C2orf80: variants seen among roughly 807,000 people sequenced by gnomAD.
The protein encoded by C2orf80 is chromosome 2 open reading frame 80.
In C2orf80, 28 loss-of-function variants were observed where a neutral mutation model predicts 30.2. That is an observed-to-expected ratio of 0.93 (90% CI 0.69 to 1.27). The LOEUF (loss-of-function observed/expected upper bound fraction) is 1.27. C2orf80 is among the 50% of genes most tolerant of loss of function. The pLI, the probability that C2orf80 is intolerant of heterozygous loss-of-function variation, is 0.00. For missense variants in C2orf80, 220 were observed against 231.0 expected (o/e 0.95, Z 0.31); for synonymous variants, 80 against 76.4 (o/e 1.05, Z -0.24).
chr2:208,178,385 G>A (rs10186905), intron 6 of C2orf80, among the ~76,000 whole-genome samples: 72,938 of 151,826 alleles, frequency 0.48, 19,024 homozygotes, highest in East Asian at 0.74. Context: ...TCAGGCTTGT[G>A]TGTATATGTG....
At chr2:208,176,603 T>C (rs1271814673) in intron 6 of C2orf80, among the ~76,000 whole-genome samples, 1 of 152,120 alleles carries the variant, frequency 6.6e-6, no homozygotes, top group Non-Finnish European at 1.5e-5. Flanking sequence ...GAACTTTAAT[T>C]AAAGCTATTA....
Position 208,181,206 on chromosome 2 carries a change from TC to T in C2orf80, c.294+11del, listed in dbSNP as rs777274024. 4.5e-6 allele frequency: 7 copies of T among 1,541,304 alleles called. No individual in the cohort carries two copies. The highest frequency in any genetic ancestry group is 3.3e-5 in the Admixed American group (2 of 59,856). On this transcript the variant is annotated intron_variant, in intron 5 of 8. Coordinates refer to ENST00000341287, the MANE Select transcript of C2orf80 (RefSeq NM_001099334.3). ...AAATATTCATATAGGCAGATAGTAT[TC>T]TTTTCCTTACCATTAAGATTCCAGC... is the stretch of plus-strand genomic sequence containing the variant.
chr2:208,168,347 TAA>T (rs1318056020), intron 8 of C2orf80: 1 of 330,006 alleles, frequency 3.0e-6, no homozygotes, highest in Non-Finnish European at 5.8e-6. Flanking sequence ...TGTACACTAT[TAA>T]AATTTTTAAA....
intron 6 of C2orf80, 139 bp downstream of exon 6, chr2:208,180,606 G>A: frequency 1.6e-6 from 1 of 639,874 alleles, no homozygotes; most frequent in Non-Finnish European, 2.7e-6. Flanking sequence ...AGTAAGAAAT[G>A]GTTATGTCTG....
chr2:208,188,033 C>T (rs1696768587), intron 1 of C2orf80, among the ~76,000 whole-genome samples: 1 of 151,112 alleles, frequency 6.6e-6, no homozygotes, highest in Non-Finnish European at 1.5e-5. Context: ...TCATGTGAGC[C>T]AATTCTGTAA....
chr2:208,171,809 A>T (rs1235434115), intron 7 of C2orf80, among the ~76,000 whole-genome samples, 179 bp downstream of exon 7: 1 of 152,148 alleles, frequency 6.6e-6, no homozygotes, highest in Admixed American at 6.5e-5. Context: ...GAGAAACAAG[A>T]CTTCCTTGAT....
chr2:208,188,677 C>T (rs1696790670), intron 1 of C2orf80, among the ~76,000 whole-genome samples: 1 of 152,096 alleles, frequency 6.6e-6, no homozygotes, highest in South Asian at 2.1e-4. Context: ...TCTCCATCTC[C>T]TGACCTTGTA....
intron 1 of C2orf80, among the ~76,000 whole-genome samples, chr2:208,188,704 C>T (rs1336136324): frequency 6.6e-6 from 1 of 152,196 alleles, no homozygotes; most frequent in Non-Finnish European, 1.5e-5. Context: ...CTGCCTCAGC[C>T]TCCCAAAGTG....
rs1264117905 is a variant in C2orf80 at position 208,170,977 on chromosome 2, G to C, written c.541C>G (p.Gln181Glu). 1 of 1,613,950 alleles carries C rather than the reference G, an allele frequency of 6.2e-7. No individual in the cohort carries two copies. Among genetic ancestry groups the C allele is most frequent in the East Asian group, 2.2e-5 (1 of 44,894 alleles). The change falls in exon 8 of 9, where the codon CAA becomes GAA. Residue 181 changes from glutamine to glutamate, a missense_variant. Transcript: ENST00000341287. ...TTTGGCTGTGTGTCTGAAAACCTTT[G>C]TGATGATTTCCATTCTGTGGCATTT... is the stretch of plus-strand genomic sequence containing the variant. The part of the protein sequence containing the change: ...EANATEWKSS[Q>E]RFSDTQPKHK...
chr2:208,165,811 G>A lies in C2orf80; in HGVS notation c.578C>T (p.Thr193Ile). ...FSDTQPKHKV[T>I] is the part of the protein sequence containing the mutation. ...CCATGGTACAATTCCAATTTTCTAA[G>A]TGACCTGCAGAATAAAAGATGATTT... is the stretch of plus-strand genomic sequence containing the variant. Residue 193 changes from threonine to isoleucine, a missense_variant, in exon 9 of 9, where the codon ACT becomes ATT. By Grantham distance (89) the Thr-to-Ile change is moderately conservative. Coordinates refer to ENST00000341287, the MANE Select transcript of C2orf80 (RefSeq NM_001099334.3). 1 of 1,609,552 alleles carries A rather than the reference G, an allele frequency of 6.2e-7. No homozygotes were observed. Among genetic ancestry groups the A allele is most frequent in the Non-Finnish European group, 8.5e-7 (1 of 1,177,830 alleles).
chr2:208,180,946 A>G, intron 5 of C2orf80, 130 bp from the exon 6 acceptor site: 1 of 732,662 alleles, frequency 1.4e-6, no homozygotes, highest in Non-Finnish European at 2.2e-6. Flanking sequence ...AATACAGTAA[A>G]TAACTTCTGA....
intron 6 of C2orf80, among the ~76,000 whole-genome samples, chr2:208,177,275 C>G (rs931387016): frequency 1.3e-5 from 2 of 151,414 alleles, no homozygotes; most frequent in African/African-American, 4.8e-5. Context: ...GACGTGGTGG[C>G]TCACGCCTGT....
chr2:208,183,412 T>A (rs12995271), intron 3 of C2orf80, among the ~76,000 whole-genome samples: 2 of 151,866 alleles, frequency 1.3e-5, no homozygotes, highest in Non-Finnish European at 2.9e-5. Context: ...CACGGAATAT[T>A]CTTAGGTGAG....
Position 208,180,385 on chromosome 2 carries a change from A to G in C2orf80, c.366+360T>C, listed in dbSNP as rs1696515037. Among the ~76,000 whole-genome samples the G allele has an allele frequency of 1.3e-5, 2 of 151,590 alleles. 1 individual carries two copies. Among genetic ancestry groups the G allele is most frequent in the South Asian group, 4.2e-4 (2 of 4,778 alleles). On this transcript the variant is annotated intron_variant, in intron 6 of 8. Transcript: ENST00000341287. ...AGAATTCCTTGAACCCAGGAGGCAG[A>G]AGTGCAGTGAGCCGAGATCGCACCA...
intron 1 of C2orf80, chr2:208,189,725 A>G (rs530216207): frequency 1.8e-6 from 1 of 544,104 alleles, no homozygotes; most frequent in East Asian, 3.2e-5. Context: ...GAAAGCACAC[A>G]CAAAAGAGGT....
At chr2:208,166,470 A>G (rs1048603414) in intron 8 of C2orf80, among the ~76,000 whole-genome samples, 93 of 152,264 alleles carry the variant, frequency 6.1e-4, no homozygotes, top group Non-Finnish European at 5.9e-5. Flanking sequence ...AAAGCAAATC[A>G]GTTTTTGGCC....
intron 8 of C2orf80, among the ~76,000 whole-genome samples, chr2:208,170,482 G>T (rs1696061495): frequency 6.6e-6 from 1 of 152,080 alleles, no homozygotes; most frequent in Non-Finnish European, 1.5e-5. Context: ...CAGGAAAAAA[G>T]AAAATTATTA....
At chr2:208,182,189 G>A (rs1241106598) in intron 4 of C2orf80, among the ~76,000 whole-genome samples, 1 of 152,140 alleles carries the variant, frequency 6.6e-6, no homozygotes, top group Non-Finnish European at 1.5e-5. Context: ...CCAATTGAGT[G>A]AGTCTGCCTG....
At chr2:208,177,392 T>G (rs2105903763) in intron 6 of C2orf80, among the ~76,000 whole-genome samples, 1 of 151,856 alleles carries the variant, frequency 6.6e-6, no homozygotes. Context: ...AAATACAAAA[T>G]TAGCCAGGCG....
Sources: gnomAD v4.1 joint callset for allele counts (sites outside exome capture counted in the v4.1 genomes callset) on GRCh38, gnomAD v4.1.1 for gene constraint, MANE v1.5 for transcripts, NCBI Gene and HGNC (gene_info 2026-07-23, HGNC 2026-07-21) for gene names.